RGSL1: variants seen among roughly 807,000 people sequenced by gnomAD.
The protein encoded by RGSL1 is regulator of G protein signaling like 1, also known as regulator of G protein signaling protein-like.
Under a neutral mutation model 124.7 loss-of-function variants are expected in RGSL1, and 97 were observed. That is an observed-to-expected ratio of 0.78 (90% CI 0.66 to 0.92). The LOEUF (loss-of-function observed/expected upper bound fraction) is 0.92. Ranked by LOEUF, RGSL1 falls within the 40% of genes least tolerant of loss-of-function variation. The probability of loss-of-function intolerance (pLI) is 0.00; values close to 1 mark genes in which losing one functional copy is unlikely to be tolerated. For missense variants in RGSL1, 1,233 were observed against 1,288.4 expected (o/e 0.96, Z 0.66); for synonymous variants, 424 against 438.1 (o/e 0.97, Z 0.40).
In RGSL1 at chr1:182,521,970, A is replaced by G. The variant is rs749039324; in HGVS notation, c.1826-34A>G. On this transcript the variant is annotated intron_variant, in intron 9 of 21. Coordinates refer to ENST00000294854, the MANE Select transcript of RGSL1 (RefSeq NM_001137669.2). ...TTTTTCCCTTTTCATTGCTTATAATATAGTGTTCTCCAACTTAGTGATTTT... is the reference window on the plus strand; with the variant it reads ...TTTTTCCCTTTTCATTGCTTATAATGTAGTGTTCTCCAACTTAGTGATTTT... The G allele has an allele frequency of 1.2e-5, 16 of 1,348,374 alleles. No individual in the cohort carries two copies. In the African/African-American group the frequency reaches 2.2e-4, roughly 19 times the overall value. The allele number at this position is 1,348,374 out of a possible 1,614,324, so 83.5% of individuals were successfully genotyped here.
At chr1:182,559,590 A>G (rs1401751500) in intron 21 of RGSL1, among the ~76,000 whole-genome samples, 2 of 152,174 alleles carry the variant, frequency 1.3e-5, no homozygotes, top group African/African-American at 2.4e-5. Context: ...TGACCTGCTC[A>G]TTTCCTCAGC....
In RGSL1 at chr1:182,553,465, C is replaced by T. The variant is rs1197580167; in HGVS notation, c.3054C>T (p.Ala1018=). The T allele has an allele frequency of 1.9e-6, 3 of 1,551,520 alleles. No homozygotes were observed. The highest frequency in any genetic ancestry group is 3.9e-5 in the Admixed American group (2 of 50,934). Residue 1018 remains alanine, a synonymous_variant, in exon 19 of 22, where the codon GCC becomes GCT. Coordinates refer to ENST00000294854, the MANE Select transcript of RGSL1 (RefSeq NM_001137669.2). ...TTTGTCCTTCCCCAGGAGACAATGC[C>T]ATCTTAAGGTTCACCTTGCTCAGAG... ...KYPFSSGGDN[A]ILRFTLLRGI...
At chr1:182,472,816 G>T (rs1653960625) in intron 5 of RGSL1, among the ~76,000 whole-genome samples, 1 of 152,140 alleles carries the variant, frequency 6.6e-6, no homozygotes, top group African/African-American at 2.4e-5. Context: ...ATTGGGGCAG[G>T]ATACTTGAAA....
At chr1:182,472,003 C>T (rs80001193) in intron 4 of RGSL1, among the ~76,000 whole-genome samples, 207 of 152,288 alleles carry the variant, frequency 1.4e-3, no homozygotes, top group Non-Finnish European at 2.2e-3. Context: ...TAGTCTTTGG[C>T]ATCTTTTGGC....
At chr1:182,464,527 C>A (rs992365497) in intron 4 of RGSL1, among the ~76,000 whole-genome samples, 2 of 152,004 alleles carry the variant, frequency 1.3e-5, no homozygotes, top group African/African-American at 4.8e-5. Context: ...AGCTCGAGAC[C>A]AGCCTGGCCA....
chr1:182,541,840 G>A (rs917484260), intron 15 of RGSL1, among the ~76,000 whole-genome samples: 6 of 152,174 alleles, frequency 3.9e-5, no homozygotes, highest in African/African-American at 1.2e-4. Flanking sequence ...GATCTTAGCA[G>A]TTTTTCATAT....
chr1:182,487,685 C>T (rs535849281), intron 6 of RGSL1, among the ~76,000 whole-genome samples: 1 of 152,144 alleles, frequency 6.6e-6, no homozygotes, highest in Non-Finnish European at 1.5e-5. Flanking sequence ...CTCCTTATAG[C>T]GACACTTGCA....
chr1:182,460,372 C>T (rs1483791031), intron 4 of RGSL1, among the ~76,000 whole-genome samples: 1 of 152,160 alleles, frequency 6.6e-6, no homozygotes, highest in Non-Finnish European at 1.5e-5. Context: ...TAGGTAAACT[C>T]TTAGCCTGAA....
chr1:182,528,075 T>A (rs934929911), intron 11 of RGSL1, among the ~76,000 whole-genome samples: 1 of 152,100 alleles, frequency 6.6e-6, no homozygotes, highest in African/African-American at 2.4e-5. Context: ...TGGGGAGGCC[T>A]CAGGAAACTT....
At chr1:182,498,308 T>TTGTATATGCCTCCCAGGTGC (rs1553263963) in intron 9 of RGSL1, among the ~76,000 whole-genome samples, 2 of 151,066 alleles carry the variant, frequency 1.3e-5, no homozygotes, top group African/African-American at 4.9e-5. Context: ...CTTGCTTTTT[T>TTGTATATGCCTCCCAGGTGC]GTATATGCCT....
intron 1 of RGSL1, chr1:182,453,374 G>A (rs991216500): frequency 6.6e-6 from 1 of 152,394 alleles, no homozygotes; most frequent in Non-Finnish European, 1.5e-5. Flanking sequence ...CCCACTTCAG[G>A]CCCCATTACA....
intron 6 of RGSL1, among the ~76,000 whole-genome samples, chr1:182,476,395 C>T (rs551574336): frequency 5.9e-5 from 9 of 152,134 alleles, no homozygotes; most frequent in Non-Finnish European, 1.3e-4. Flanking sequence ...CTTGACTCAC[C>T]TCTTTGTCTT....
intron 14 of RGSL1, among the ~76,000 whole-genome samples, chr1:182,535,282 C>A (rs1271893777): frequency 6.6e-6 from 1 of 152,222 alleles, no homozygotes; most frequent in Non-Finnish European, 1.5e-5. Flanking sequence ...TTTTCATACT[C>A]TTTCTATAGT....
intron 15 of RGSL1, among the ~76,000 whole-genome samples, chr1:182,547,880 G>A (rs1277344676): frequency 6.6e-6 from 1 of 152,052 alleles, no homozygotes; most frequent in Non-Finnish European, 1.5e-5. Context: ...ATGTTCTACT[G>A]GCTTCCCATT....
At chr1:182,474,603 A>T (rs1324050013) in intron 6 of RGSL1, 61 bp downstream of exon 6, 2 of 1,472,304 alleles carry the variant, frequency 1.4e-6, no homozygotes, top group African/African-American at 2.8e-5. Flanking sequence ...CTGACTAAAA[A>T]TCCCATCTGG....
chr1:182,544,548 T>C (rs920718038), intron 15 of RGSL1, among the ~76,000 whole-genome samples: 2 of 152,090 alleles, frequency 1.3e-5, no homozygotes. Flanking sequence ...TTTGTTGTTG[T>C]TGATTTTCTA....
chr1:182,505,209 A>C (rs564712516), intron 9 of RGSL1, among the ~76,000 whole-genome samples: 60 of 148,816 alleles, frequency 4.0e-4, no homozygotes, highest in African/African-American at 1.4e-3. Context: ...AAGTATGGCA[A>C]AATAAAGGCT....
At chr1:182,479,478 A>G (rs1654533955) in intron 6 of RGSL1, among the ~76,000 whole-genome samples, 1 of 152,186 alleles carries the variant, frequency 6.6e-6, no homozygotes. Flanking sequence ...GTTCATGGTA[A>G]CCACAAAAAA....
At chr1:182,496,185 G>A (rs558379937) in intron 9 of RGSL1, among the ~76,000 whole-genome samples, 18 of 152,162 alleles carry the variant, frequency 1.2e-4, no homozygotes, top group South Asian at 2.1e-4. Context: ...AGGAAGAAAC[G>A]GGGAGGTGCT....
Sources: gnomAD v4.1 joint callset for allele counts (sites outside exome capture counted in the v4.1 genomes callset) on GRCh38, gnomAD v4.1.1 for gene constraint, MANE v1.5 for transcripts, NCBI Gene and HGNC (gene_info 2026-07-23, HGNC 2026-07-21) for gene names.